The following ETV6 variants were observed in gnomAD, a reference collection of about 807,000 sequenced individuals.
ETV6 encodes transcription factor ETV6.
ETV6 carries 16 observed loss-of-function variants against 51.1 expected under a neutral mutation model. The ratio of observed to expected loss-of-function variants is 0.31; its 90% CI spans 0.21 to 0.48. The LOEUF (loss-of-function observed/expected upper bound fraction) is 0.48, where lower values mean the gene tolerates loss of function less well. Among genes scored for constraint, ETV6 ranks in the 20% least tolerant of loss-of-function variants. The pLI, the probability that ETV6 is intolerant of heterozygous loss-of-function variation, is 0.99. For missense variants in ETV6, 458 were observed against 594.8 expected, an observed-to-expected ratio of 0.77 and a Z score of 2.39; for synonymous variants, 240 against 224.1, an observed-to-expected ratio of 1.07 and a Z score of -0.64.
intron 1 of ETV6, among the ~76,000 whole-genome samples, chr12:11,663,453 G>T (rs1304064463): frequency 1.3e-5 from 2 of 152,206 alleles, no homozygotes; most frequent in Non-Finnish European, 2.9e-5. Flanking sequence ...TATGCCACAT[G>T]TATCGCATGC....
rs539741115 is a variant in ETV6 at position 11,691,998 on chromosome 12, A to G, written c.33+41838A>G. On this transcript the variant is annotated intron_variant, in intron 1 of 7. Transcript: ENST00000396373. Reference sequence around the variant, plus strand: ...AAGTAGCATGTAGACTTCATAGGAGACAAGACACTTCTATGGTTTGAGTAT... The same window carrying G: ...AAGTAGCATGTAGACTTCATAGGAGGCAAGACACTTCTATGGTTTGAGTAT... Among the ~76,000 whole-genome samples the G allele has an allele frequency of 1.6e-4, 24 of 152,298 alleles. 1 individual carries two copies. The South Asian group carries it at 5.0e-3, about 32-fold the overall frequency.
chr12:11,782,880 C>A (rs1001164743), intron 2 of ETV6, among the ~76,000 whole-genome samples: 20 of 152,256 alleles, frequency 1.3e-4, no homozygotes, highest in African/African-American at 4.8e-4. Context: ...TATAAGTATA[C>A]ATCTATTGAC....
chr12:11,651,657 A>G (rs1366948386), intron 1 of ETV6, among the ~76,000 whole-genome samples: 4 of 152,204 alleles, frequency 2.6e-5, no homozygotes, highest in African/African-American at 7.2e-5. Flanking sequence ...TGCGGTATAA[A>G]TTAGATTCTA....
At position 11,883,276 on chromosome 12, in the gene ETV6, C is replaced by CTTTTTTTTTT. The variant is rs547786286; in HGVS notation, c.1010-1143_1010-1134dup. On this transcript the variant is annotated intron_variant, in intron 5 of 7. Coordinates refer to ENST00000396373, the MANE Select transcript of ETV6 (RefSeq NM_001987.5). ...GGGAAGGTGTACATCATGTCTTCTTCTTTTTTTTTTTTTTTTTTTTTTTTT... is the reference window on the plus strand; with the variant it reads ...GGGAAGGTGTACATCATGTCTTCTTCTTTTTTTTTTTTTTTTTTTTTTTTTTTTTTTTTTT... Among the ~76,000 whole-genome samples the CTTTTTTTTTT allele has an allele frequency of 6.8e-4, 54 of 79,092 alleles. 3 individuals carry two copies. The highest frequency in any genetic ancestry group is 4.6e-3 in the East Asian group (12 of 2,590). 51.9% of individuals were successfully genotyped at this position (79,092 alleles called of 152,430 possible). A position where few individuals can be genotyped will look rare whatever the true frequency, so the allele number is the denominator to read the frequency against.
chr12:11,712,557 AATAG>A (rs1424916735), intron 1 of ETV6, among the ~76,000 whole-genome samples: 1 of 152,208 alleles, frequency 6.6e-6, no homozygotes, highest in African/African-American at 2.4e-5. Flanking sequence ...TGTTGATGTC[AATAG>A]ATAGATAGGT....
chr12:11,766,047 C>G (rs1945156541), intron 2 of ETV6, among the ~76,000 whole-genome samples: 1 of 152,076 alleles, frequency 6.6e-6, no homozygotes, highest in Non-Finnish European at 1.5e-5. Context: ...AGAGCAAGGG[C>G]ACGGGAGAAT....
At chr12:11,880,091 TCATCTAGG>T (rs1947066261) in intron 5 of ETV6, among the ~76,000 whole-genome samples, 1 of 150,970 alleles carries the variant, frequency 6.6e-6, no homozygotes, top group Non-Finnish European at 1.5e-5. Context: ...GTTATTTTTA[TCATCTAGG>T]CATAATTTTT....
At chr12:11,853,148 C>CT (rs1272373214) in intron 3 of ETV6, among the ~76,000 whole-genome samples, 1 of 152,242 alleles carries the variant, frequency 6.6e-6, no homozygotes, top group African/African-American at 2.4e-5. Context: ...GATCGTGCCT[C>CT]TGCACTTCAG....
intron 2 of ETV6, among the ~76,000 whole-genome samples, chr12:11,772,395 C>T (rs1047968171): frequency 2.6e-5 from 4 of 152,106 alleles, no homozygotes; most frequent in African/African-American, 7.2e-5. Flanking sequence ...CAAAGGTGTC[C>T]GAATAGTAAA....
chr12:11,810,061 C>T (rs995697890), intron 2 of ETV6, among the ~76,000 whole-genome samples: 6 of 152,100 alleles, frequency 3.9e-5, no homozygotes, highest in South Asian at 2.1e-4. Flanking sequence ...CCTCGTGATC[C>T]GCCCACTTCA....
intron 2 of ETV6, among the ~76,000 whole-genome samples, chr12:11,775,203 C>CCGAT (rs1037066344): frequency 6.6e-6 from 1 of 152,172 alleles, no homozygotes; most frequent in African/African-American, 2.4e-5. Flanking sequence ...AAGGGTAAAG[C>CCGAT]CGATGTCCCT....
rs150041122 is a variant in ETV6, at chr12:11,714,936, G to A, written c.34-37514G>A. Among the ~76,000 whole-genome samples, 796 of 152,308 alleles carry A rather than the reference G, an allele frequency of 5.2e-3. 2 individuals carry two copies. Among genetic ancestry groups the A allele is most frequent in the Middle Eastern group, 0.01 (3 of 294 alleles). ...GAAGAGATGACTGACAGTCGTGGAA[G>A]GTGGATTGGAGAAGGAAGACCATGG... On this transcript the variant is annotated intron_variant, in intron 1 of 7. Transcript: ENST00000396373.
At position 11,819,716 on chromosome 12, in the gene ETV6, A is replaced by G. The variant is rs115833523; in HGVS notation, c.164-19424A>G. Among the ~76,000 whole-genome samples the G allele has an allele frequency of 3.2e-3, 491 of 152,306 alleles. 1 individual carries two copies. The highest frequency in any genetic ancestry group is 0.011 in the African/African-American group (459 of 41,560). Reference sequence around the variant, plus strand: ...TGAATTAATCTCTTAAGTTCCATCAATTCTACCCCATGGTATCTTCAGCCC... The same window carrying G: ...TGAATTAATCTCTTAAGTTCCATCAGTTCTACCCCATGGTATCTTCAGCCC... On this transcript the variant is annotated intron_variant, in intron 2 of 7. Transcript: ENST00000396373.
intron 1 of ETV6, among the ~76,000 whole-genome samples, chr12:11,745,813 A>G (rs1865897045): frequency 1.3e-5 from 2 of 152,232 alleles, no homozygotes; most frequent in Non-Finnish European, 1.5e-5. Context: ...ATGTTAGGAT[A>G]GAAAGTAATA....
At chr12:11,663,771 GTA>G (rs1041853034) in intron 1 of ETV6, among the ~76,000 whole-genome samples, 107 of 136,006 alleles carry the variant, frequency 7.9e-4, no homozygotes, top group African/African-American at 2.7e-3. Flanking sequence ...GTGTGTGTGT[GTA>G]TGTGTGTGTG....
chr12:11,672,072 G>T (rs1049937741), intron 1 of ETV6, among the ~76,000 whole-genome samples: 1 of 151,348 alleles, frequency 6.6e-6, no homozygotes, highest in African/African-American at 2.4e-5. Context: ...ACACTTGCCT[G>T]TCTGCCTTGT....
intron 2 of ETV6, among the ~76,000 whole-genome samples, chr12:11,838,367 C>A (rs183763081): frequency 5.9e-5 from 9 of 152,338 alleles, no homozygotes; most frequent in African/African-American, 2.2e-4. Context: ...TATAGACTTA[C>A]AGTCAGGCTC....
At chr12:11,738,031 G>C (rs945578043) in intron 1 of ETV6, among the ~76,000 whole-genome samples, 1 of 152,154 alleles carries the variant, frequency 6.6e-6, no homozygotes. Context: ...GCATTAAACT[G>C]TAAGGTTAGT....
chr12:11,864,535 CAAATG>C (rs1946765082), intron 4 of ETV6, among the ~76,000 whole-genome samples: 1 of 152,138 alleles, frequency 6.6e-6, no homozygotes, highest in African/African-American at 2.4e-5. Flanking sequence ...TATTCTGTGA[CAAATG>C]AAAAGTGGAC....
Sources: allele counts gnomAD v4.1 joint callset (sites outside exome capture counted in the v4.1 genomes callset), GRCh38; gene constraint gnomAD v4.1.1; transcripts MANE v1.5; gene names NCBI Gene and HGNC (gene_info 2026-07-23, HGNC 2026-07-21).